The following USHBP1 variants were observed in gnomAD, a reference collection of about 807,000 sequenced individuals.
The protein encoded by USHBP1 is USH1 protein network component harmonin binding protein 1.
Under a neutral mutation model 76.2 loss-of-function variants are expected in USHBP1, and 67 were observed. The ratio of observed to expected loss-of-function variants is 0.88; its 90% confidence interval spans 0.72 to 1.08. USHBP1 has a LOEUF of 1.08. Ranked by LOEUF, USHBP1 falls within the 50% of genes least tolerant of loss-of-function variation. The probability of loss-of-function intolerance (pLI) is 0.00; values close to 1 mark genes in which losing one functional copy is unlikely to be tolerated. For missense variants in USHBP1, 931 were observed against 915.0 expected (o/e 1.02, Z -0.23); for synonymous variants, 322 against 362.2 (o/e 0.89, Z 1.26).
At chr19:17,259,843 T>C (rs1368476654) in intron 5 of USHBP1, 54 bp downstream of exon 5, 1 of 1,589,848 alleles carries the variant, frequency 6.3e-7, no homozygotes, top group Non-Finnish European at 8.6e-7. Flanking sequence ...TTGAGTCTCA[T>C]TCCCCTGAAG....
intron 3 of USHBP1, chr19:17,263,786 G>C: frequency 1.8e-6 from 1 of 546,520 alleles, no homozygotes; most frequent in Middle Eastern, 4.8e-4. Context: ...GCTCCCGCTT[G>C]AACCGGGAGG....
chr19:17,254,538 C>T (rs951986934), intron 10 of USHBP1, among the ~76,000 whole-genome samples: 1 of 151,650 alleles, frequency 6.6e-6, no homozygotes, highest in African/African-American at 2.4e-5. Context: ...TGCCTGTAGT[C>T]CCAGCTACTC....
At position 17,256,580 on chromosome 19, in the gene USHBP1, G is replaced by A; in HGVS notation, c.1361C>T (p.Thr454Ile). 6.2e-7 allele frequency: 1 copy of A among 1,614,206 alleles called. No homozygotes were observed. The highest frequency in any genetic ancestry group is 8.5e-7 in the Non-Finnish European group (1 of 1,180,038). The change falls in exon 9 of 13, where the codon ACT becomes ATT. Residue 454 changes from threonine to isoleucine, a missense_variant. Thr to Ile is a moderately conservative substitution (Grantham distance 89). Coordinates refer to ENST00000252597, the MANE Select transcript of USHBP1 (RefSeq NM_031941.4). ...EPGPTLAPMPTVPRAEAMVQA... is the reference protein window; with the variant it reads ...EPGPTLAPMPIVPRAEAMVQA... ...CACCATGGCTTCTGCACGGGGCACA[G>A]TGGGCATGGGTGCCAAGGTGGGGCC...
At chr19:17,253,522 C>T (rs2073579735) in intron 10 of USHBP1, among the ~76,000 whole-genome samples, 1 of 150,292 alleles carries the variant, frequency 6.7e-6, no homozygotes, top group Non-Finnish European at 1.5e-5. Context: ...AACTCCTGAC[C>T]TCATGATCCA....
At chr19:17,262,499 C>G (rs1350141865) in intron 4 of USHBP1, 53 bp downstream of exon 4, 4 of 1,537,956 alleles carry the variant, frequency 2.6e-6, no homozygotes, top group Admixed American at 2.0e-5. Context: ...ACATCAGGCC[C>G]ACCTCCTCCC....
intron 8 of USHBP1, 148 bp from the exon 9 acceptor site, chr19:17,256,868 T>G: frequency 8.3e-7 from 1 of 1,198,830 alleles, no homozygotes; most frequent in Non-Finnish European, 1.2e-6. Flanking sequence ...CACACCAACA[T>G]ACCCCACTAG....
At chr19:17,252,624 G>T (rs2145578868) in intron 10 of USHBP1, among the ~76,000 whole-genome samples, 1 of 152,018 alleles carries the variant, frequency 6.6e-6, no homozygotes, top group Middle Eastern at 3.4e-3. Context: ...CTACTTGGGA[G>T]GCTAAGGCAG....
At chr19:17,264,404 C>T (rs8102890) in intron 1 of USHBP1, 57 bp from the exon 2 acceptor site, 289,742 of 1,318,820 alleles carry the variant, frequency 0.22, 32,464 homozygotes, top group East Asian at 0.31. Flanking sequence ...AAAGGACAAC[C>T]TCAATTTCCT....
Position 17,255,436 on chromosome 19 carries a change from G to C in USHBP1, c.1641C>G (p.Gly547=). ...ELQAGGANSS[G]GHSSGGGSSG... ...TGCTGCCACCTCCGCTGCTATGTCC[G>C]CCACTGCTGTTTGCCCCACCAGCCT... is the stretch of plus-strand genomic sequence containing the variant. Residue 547 remains glycine (G), a synonymous_variant, in exon 10 of 13, where the codon GGC becomes GGG. Coordinates refer to ENST00000252597, the MANE Select transcript of USHBP1 (RefSeq NM_031941.4). 6.2e-7 allele frequency: 1 copy of C among 1,614,076 alleles called. No homozygotes were observed. The highest frequency in any genetic ancestry group is 8.5e-7 in the Non-Finnish European group (1 of 1,179,992).
chr19:17,264,509 C>T (rs1206853677), intron 1 of USHBP1, 162 bp from the exon 2 acceptor site: 2 of 589,600 alleles, frequency 3.4e-6, no homozygotes, highest in Non-Finnish European at 5.9e-6. Flanking sequence ...ACAGGGAGCT[C>T]ACTACCTAAG....
At position 17,260,033 on chromosome 19, in the gene USHBP1, T is replaced by G; in HGVS notation, c.643-11A>C. ...CTGCAGCTCTTGAACCTGGGAAAGATGAGGGGGACGTCAGGCCTAGGGGCT... is the reference window on the plus strand; with the variant it reads ...CTGCAGCTCTTGAACCTGGGAAAGAGGAGGGGGACGTCAGGCCTAGGGGCT... On this transcript the variant is annotated splice_polypyrimidine_tract_variant and intron_variant, in intron 4 of 12. Transcript: ENST00000252597. 1.2e-6 allele frequency: 2 copies of G among 1,610,600 alleles called. No individual in the cohort carries two copies. The highest frequency in any genetic ancestry group is 1.7e-6 in the Non-Finnish European group (2 of 1,177,474).
At chr19:17,258,136 G>T (rs1599472569) in intron 8 of USHBP1, 76 bp downstream of exon 8, 2 of 1,593,052 alleles carry the variant, frequency 1.3e-6, no homozygotes, top group East Asian at 4.5e-5. Context: ...GAAACGTGGT[G>T]AGCTCTGGGA....
At position 17,259,888 on chromosome 19, in the gene USHBP1, C is replaced by G; in HGVS notation, c.768+9G>C. 1.2e-6 allele frequency: 2 copies of G among 1,611,914 alleles called. No homozygotes were observed. The highest frequency in any genetic ancestry group is 1.7e-6 in the Non-Finnish European group (2 of 1,178,456). On this transcript the variant is annotated intron_variant, in intron 5 of 12. Transcript: ENST00000252597. ...ATCAAGACCATGGGATTGAACTTCTCGCACTCACCTGAGTCTCCCAGGGTT... is the reference window on the plus strand; with the variant it reads ...ATCAAGACCATGGGATTGAACTTCTGGCACTCACCTGAGTCTCCCAGGGTT...
intron 12 of USHBP1, 54 bp from the exon 13 acceptor site, chr19:17,250,468 A>C (rs2073536651): frequency 6.3e-7 from 1 of 1,581,136 alleles, no homozygotes. Flanking sequence ...CACCCAAGGC[A>C]AGGGCCGTGT....
chr19:17,258,003 ATGTC>A (rs1331105667), intron 8 of USHBP1, among the ~76,000 whole-genome samples: 4 of 152,128 alleles, frequency 2.6e-5, no homozygotes, highest in South Asian at 4.1e-4. Context: ...GCCAACTGCA[ATGTC>A]TGTCAACCAC....
At position 17,250,251 on chromosome 19, in the gene USHBP1, G is replaced by A; in HGVS notation, c.2086C>T (p.Pro696Ser). The stretch of plus-strand genomic sequence containing the variant: ...TACAGAAAGGTGTCCCCAAGCTGGG[G>A]AGGCGGGAGGGGAGGCCTGGGCTTC... ...LGKPRPPLPP[P>S]QLGDTFL is the part of the protein sequence containing the mutation. The change falls in exon 13 of 13, where the codon CCC (proline) becomes TCC (serine). Residue 696 changes from proline to serine, a missense_variant. Pro to Ser is a moderately conservative substitution (Grantham distance 74). Coordinates refer to ENST00000252597, the MANE Select transcript of USHBP1 (RefSeq NM_031941.4). 3 of 1,612,562 alleles carry A rather than the reference G, an allele frequency of 1.9e-6. No individual in the cohort carries two copies. Among genetic ancestry groups the A allele is most frequent in the Non-Finnish European group, 2.5e-6 (3 of 1,179,548 alleles).
chr19:17,257,429 G>T (rs957083555), intron 8 of USHBP1, among the ~76,000 whole-genome samples: 1 of 149,736 alleles, frequency 6.7e-6, no homozygotes, highest in African/African-American at 2.4e-5. Context: ...GATCACCTGA[G>T]GTCAGGAGTT....
In USHBP1 at chr19:17,251,666, C is replaced by G. The variant is rs780323636; in HGVS notation, c.1838G>C (p.Arg613Thr). ...CTTCTGAGCCACCTGTTCCAGCTCC[C>G]TGCGCAGAGACTGCAGCTGCTCCTG... Reference protein sequence around the residue: ...DLQEQLQSLRRELEQVAQKGR... With the variant: ...DLQEQLQSLRTELEQVAQKGR... The change falls in exon 12 of 13, where the codon AGG becomes ACG. Residue 613 changes from arginine (R) to threonine (T), a missense_variant. Transcript: ENST00000252597. The G allele has an allele frequency of 6.2e-7, 1 of 1,613,852 alleles. No individual in the cohort carries two copies. Among genetic ancestry groups the G allele is most frequent in the Non-Finnish European group, 8.5e-7 (1 of 1,180,004 alleles).
rs765915102 is a variant in USHBP1, at chr19:17,256,540, C to A, written c.1401G>T (p.Gly467=). 1 of 1,614,078 alleles carries A rather than the reference C, an allele frequency of 6.2e-7. No homozygotes were observed. The highest frequency in any genetic ancestry group is 8.5e-7 in the Non-Finnish European group (1 of 1,180,030). ...RAEAMVQAIL[G]TQAGPALPRL... Reference sequence around the variant, plus strand: ...GGGGAAGAGCTGGGCCAGCCTGGGTCCCCAGAATGGCCTGCACCATGGCTT... The same window carrying A: ...GGGGAAGAGCTGGGCCAGCCTGGGTACCCAGAATGGCCTGCACCATGGCTT... Residue 467 remains glycine (G), a synonymous_variant, in exon 9 of 13, where the codon GGG becomes GGT. Coordinates refer to ENST00000252597, the MANE Select transcript of USHBP1 (RefSeq NM_031941.4).
Sources: allele counts gnomAD v4.1 joint callset (sites outside exome capture counted in the v4.1 genomes callset), GRCh38; gene constraint gnomAD v4.1.1; transcripts MANE v1.5; gene names NCBI Gene and HGNC (gene_info 2026-07-23, HGNC 2026-07-21).